The following LINGO2 variants were observed in gnomAD, a reference collection of about 807,000 sequenced individuals.
LINGO2 encodes leucine rich repeat and Ig domain containing 2, also known as leucine-rich repeat and immunoglobulin-like domain-containing nogo receptor-interacting protein 2.
In LINGO2, 14 loss-of-function variants were observed where a neutral mutation model predicts 30.6. The observed-to-expected ratio is 0.46, with a 90% CI of 0.30 to 0.72. LINGO2 has a LOEUF of 0.72. LINGO2 is among the 30% of genes least tolerant of loss of function. LINGO2 has a pLI of 0.07. For missense variants in LINGO2, 729 were observed against 751.7 expected, an observed-to-expected ratio of 0.97 and a Z score of 0.35; for synonymous variants, 317 against 288.5, an observed-to-expected ratio of 1.10 and a Z score of -1.00.
chr9:28,688,692 C>T, the LINGO2 span, among the ~76,000 whole-genome samples: 12 of 152,200 alleles, frequency 7.9e-5, no homozygotes, highest in African/African-American at 2.6e-4. Flanking sequence ...TAAGCGCAGG[C>T]AGGCAGATAT....
the LINGO2 span, among the ~76,000 whole-genome samples, chr9:29,070,717 C>T: frequency 6.7e-6 from 1 of 149,002 alleles, no homozygotes; most frequent in East Asian, 2.0e-4. Flanking sequence ...ACATTAACTT[C>T]ACCCTAAAAG....
At chr9:28,901,559 T>A in the LINGO2 span, among the ~76,000 whole-genome samples, 1 of 149,440 alleles carries the variant, frequency 6.7e-6, no homozygotes, top group East Asian at 1.9e-4. Flanking sequence ...ATCAAAAACA[T>A]AAAATGTATG....
In LINGO2 at chr9:28,130,415, G is replaced by T. The variant is rs72724995; in HGVS notation, c.-86-118010C>A. 0.075 allele frequency among the ~76,000 whole-genome samples: 11,485 copies of T among 152,226 alleles called. 588 individuals carry two copies. Among genetic ancestry groups the T allele is most frequent in the Middle Eastern group, 0.13 (38 of 294 alleles). On this transcript the variant is annotated intron_variant, in intron 4 of 5. Coordinates refer to ENST00000379992, the Ensembl canonical transcript of LINGO2. The surrounding 1 kb of genome is among the most constrained non-coding windows in gnomAD (Gnocchi z 5.2). ...CTATGTTGGGAGACAGTGCCAGACT[G>T]CTAAACTTTAAGTTCTTTTTCTTCC...
the LINGO2 span, among the ~76,000 whole-genome samples, chr9:28,693,251 C>T: frequency 1.6e-3 from 244 of 152,054 alleles, 2 homozygotes; most frequent in East Asian, 0.011. Flanking sequence ...TTTAAACATA[C>T]GAAATGATAG....
At chr9:28,832,586 T>A in the LINGO2 span, among the ~76,000 whole-genome samples, 1 of 152,154 alleles carries the variant, frequency 6.6e-6, no homozygotes, top group African/African-American at 2.4e-5. Context: ...AATTTTCCAG[T>A]GGCTCATGTC....
chr9:28,663,477 T>C (rs1374229144), intron 1 of LINGO2, among the ~76,000 whole-genome samples: 14 of 152,124 alleles, frequency 9.2e-5, no homozygotes, highest in Admixed American at 9.2e-4. Context: ...GGCCTGCAGT[T>C]GTATTCTGAT....
chr9:29,076,667 G>A, the LINGO2 span, among the ~76,000 whole-genome samples: 1 of 148,818 alleles, frequency 6.7e-6, no homozygotes, highest in Non-Finnish European at 1.5e-5. Flanking sequence ...GAAAGATGTA[G>A]AAATTTGCCC....
At chr9:28,286,566 C>T (rs1823515816) in intron 4 of LINGO2, among the ~76,000 whole-genome samples, 1 of 152,146 alleles carries the variant, frequency 6.6e-6, no homozygotes, top group Non-Finnish European at 1.5e-5. Context: ...ATCTAAATGT[C>T]CATCAATGAT....
chr9:28,498,245 T>A (rs1819733857), intron 1 of LINGO2, among the ~76,000 whole-genome samples: 1 of 152,216 alleles, frequency 6.6e-6, no homozygotes, highest in African/African-American at 2.4e-5. Flanking sequence ...GGCTATGCCC[T>A]GCCCCCAGAG....
At chr9:28,960,181 A>G in the LINGO2 span, among the ~76,000 whole-genome samples, 1 of 152,180 alleles carries the variant, frequency 6.6e-6, no homozygotes, top group East Asian at 1.9e-4. Flanking sequence ...ATTAAAAAAG[A>G]TAGCTCTCAA....
chr9:28,708,303 C>T, the LINGO2 span, among the ~76,000 whole-genome samples: 1 of 152,104 alleles, frequency 6.6e-6, no homozygotes. Flanking sequence ...AACATAAGCA[C>T]ACCTGTTAGG....
At chr9:28,214,612 A>G (rs1028426695) in intron 4 of LINGO2, among the ~76,000 whole-genome samples, 3 of 151,618 alleles carry the variant, frequency 2.0e-5, no homozygotes, top group African/African-American at 4.8e-5. Flanking sequence ...AGAATTTACT[A>G]GGAGCCCACA....
intron 5 of LINGO2, among the ~76,000 whole-genome samples, chr9:27,972,922 A>G (rs963233881): frequency 6.6e-6 from 1 of 152,200 alleles, no homozygotes; most frequent in Non-Finnish European, 1.5e-5. Flanking sequence ...GTGGGTGAAC[A>G]TTGTTCAATC....
intron 4 of LINGO2, among the ~76,000 whole-genome samples, chr9:28,041,107 A>G (rs942035290): frequency 1.3e-5 from 2 of 152,196 alleles, no homozygotes; most frequent in East Asian, 3.8e-4. Flanking sequence ...CAAAAAAGCT[A>G]CCACTATTGT....
At chr9:27,943,046 G>A in the LINGO2 span, 1 of 152,122 alleles carries the variant, frequency 6.6e-6, no homozygotes, top group Non-Finnish European at 1.5e-5. Flanking sequence ...TCATTTTGCT[G>A]CTGGACATAC....
At chr9:28,098,018 C>T (rs1013930140) in intron 4 of LINGO2, among the ~76,000 whole-genome samples, 5 of 151,982 alleles carry the variant, frequency 3.3e-5, no homozygotes, top group Admixed American at 2.0e-4. Context: ...AAAATCGATA[C>T]CAAAGTCCAG....
At chr9:28,106,532 T>C (rs917227857) in intron 4 of LINGO2, among the ~76,000 whole-genome samples, 17 of 152,160 alleles carry the variant, frequency 1.1e-4, no homozygotes, top group African/African-American at 4.1e-4. Flanking sequence ...AAATTTACTA[T>C]TGAGGCTACG....
intron 4 of LINGO2, among the ~76,000 whole-genome samples, chr9:28,180,764 C>T (rs913009893): frequency 6.6e-6 from 1 of 152,064 alleles, no homozygotes; most frequent in South Asian, 2.1e-4. Flanking sequence ...AATGTCCTCT[C>T]CCAAGTAAGA....
At chr9:28,778,405 G>A in the LINGO2 span, among the ~76,000 whole-genome samples, 1 of 152,028 alleles carries the variant, frequency 6.6e-6, no homozygotes, top group African/African-American at 2.4e-5. Context: ...AACAAGGGAG[G>A]TGTTGTAAGG....
Sources: allele counts gnomAD v4.1 joint callset (sites outside exome capture counted in the v4.1 genomes callset), GRCh38; gene constraint gnomAD v4.1.1; non-coding constraint Gnocchi (gnomAD v3.1); transcripts MANE v1.5; gene names NCBI Gene and HGNC (gene_info 2026-07-23, HGNC 2026-07-21).